Variants in CDH13 observed in about 807,000 individuals in gnomAD.
CDH13 encodes the protein cadherin 13.
CDH13 carries 24 observed loss-of-function variants against 63.8 expected under a neutral mutation model. That is an observed-to-expected ratio of 0.38 (90% CI 0.27 to 0.53). CDH13 has a LOEUF of 0.53. CDH13 is among the 20% of genes least tolerant of loss of function. The pLI is 0.85. For missense variants in CDH13, 1,049 were observed against 903.1 expected (o/e 1.16, Z -2.07); for synonymous variants, 503 against 355.3 (o/e 1.42, Z -4.67).
chr16:83,284,397 C>G (rs1003626617), intron 5 of CDH13, among the ~76,000 whole-genome samples: 2 of 152,166 alleles, frequency 1.3e-5, no homozygotes, highest in Admixed American at 1.3e-4. Context: ...ACCTGTTTCA[C>G]AGGTAAAAGT....
intron 6 of CDH13, among the ~76,000 whole-genome samples, chr16:83,353,762 C>T (rs138447721): frequency 0.013 from 1,979 of 152,312 alleles, 23 homozygotes; most frequent in Admixed American, 0.021. Context: ...ATCACCCATG[C>T]TCATATCATT....
chr16:83,321,088 C>T (rs1465871813), intron 5 of CDH13, among the ~76,000 whole-genome samples: 3 of 152,152 alleles, frequency 2.0e-5, no homozygotes, highest in Non-Finnish European at 2.9e-5. Context: ...GTATGGAATA[C>T]AAATAGAAGG....
intron 2 of CDH13, among the ~76,000 whole-genome samples, chr16:82,865,645 GC>G (rs1567613137): frequency 6.6e-6 from 1 of 152,230 alleles, no homozygotes; most frequent in African/African-American, 2.4e-5. Flanking sequence ...AGGCCTCAGG[GC>G]CTGTGATGGG....
At chr16:83,195,131 T>G (rs1005850767) in intron 4 of CDH13, among the ~76,000 whole-genome samples, 1 of 152,180 alleles carries the variant, frequency 6.6e-6, no homozygotes, top group Admixed American at 6.5e-5. Context: ...CTTTGTAGCT[T>G]TATTTACATC....
At chr16:83,216,422 A>ATG (rs1567513956) in intron 4 of CDH13, among the ~76,000 whole-genome samples, 6 of 97,554 alleles carry the variant, frequency 6.2e-5, no homozygotes, top group South Asian at 7.0e-4. Flanking sequence ...ATATATATAT[A>ATG]TATATATATA....
chr16:82,947,681 C>G (rs1267365726), intron 2 of CDH13, among the ~76,000 whole-genome samples: 1 of 151,990 alleles, frequency 6.6e-6, no homozygotes, highest in African/African-American at 2.4e-5. Context: ...ATATTTTATT[C>G]AAATATTAAG....
chr16:82,722,693 A>G (rs1597405409), intron 1 of CDH13, among the ~76,000 whole-genome samples: 1 of 152,174 alleles, frequency 6.6e-6, no homozygotes, highest in Admixed American at 6.5e-5. Flanking sequence ...GGTACCTACT[A>G]CGAGCACCTG....
chr16:83,423,957 A>T (rs1239624515), intron 6 of CDH13, among the ~76,000 whole-genome samples: 1 of 152,250 alleles, frequency 6.6e-6, no homozygotes, highest in Non-Finnish European at 1.5e-5. Context: ...TACAAGTAAG[A>T]AACGTGAATA....
At chr16:83,323,669 T>C (rs2090291937) in intron 5 of CDH13, among the ~76,000 whole-genome samples, 1 of 152,138 alleles carries the variant, frequency 6.6e-6, no homozygotes, top group African/African-American at 2.4e-5. Context: ...CTAGAACATT[T>C]TATTTTCTAC....
chr16:83,434,177 T>G (rs2072213324), intron 6 of CDH13, among the ~76,000 whole-genome samples: 1 of 152,156 alleles, frequency 6.6e-6, no homozygotes, highest in African/African-American at 2.4e-5. Flanking sequence ...CTCAGGTTAT[T>G]GAGAATTGTC....
At chr16:83,774,063 T>A (rs550873206) in intron 11 of CDH13, among the ~76,000 whole-genome samples, 18 of 152,202 alleles carry the variant, frequency 1.2e-4, no homozygotes, top group African/African-American at 4.3e-4. Flanking sequence ...CCTGCTGTTA[T>A]CTCTGAAAAA....
Position 83,703,584 on chromosome 16 carries a change from C to G in CDH13, c.1538+25123C>G, listed in dbSNP as rs565323618. Among the ~76,000 whole-genome samples, 139 of 152,300 alleles carry G rather than the reference C, an allele frequency of 9.1e-4. 1 individual carries two copies. The highest frequency in any genetic ancestry group is 1.2e-3 in the Non-Finnish European group (85 of 68,030). ...GTGGAGAAGACTTTGAATAAAATGT[C>G]TAAGGATAGGAGCGGGCTTTCAGGC... On this transcript the variant is annotated intron_variant, in intron 10 of 13. Coordinates refer to ENST00000567109, the MANE Select transcript of CDH13 (RefSeq NM_001257.5).
chr16:83,707,638 A>T (rs537429118), intron 10 of CDH13, among the ~76,000 whole-genome samples: 1 of 152,136 alleles, frequency 6.6e-6, no homozygotes, highest in East Asian at 1.9e-4. Context: ...TTCCTATAAG[A>T]CAGAGATCAG....
chr16:83,113,741 G>A (rs1469883228), intron 3 of CDH13, among the ~76,000 whole-genome samples: 1 of 152,164 alleles, frequency 6.6e-6, no homozygotes, highest in East Asian at 1.9e-4. Flanking sequence ...GCACAAGAGG[G>A]GAGGGACGGG....
chr16:82,983,322 G>A (rs998416369), intron 2 of CDH13, among the ~76,000 whole-genome samples: 10 of 151,972 alleles, frequency 6.6e-5, no homozygotes, highest in African/African-American at 1.5e-4. Flanking sequence ...TCCCAGCTTC[G>A]TCCCCATTTT....
chr16:82,869,706 G>T (rs2040277872), intron 2 of CDH13, among the ~76,000 whole-genome samples: 1 of 152,076 alleles, frequency 6.6e-6, no homozygotes, highest in Non-Finnish European at 1.5e-5. Flanking sequence ...TTTTGACAAA[G>T]GTGCCAAGAA....
In CDH13 at chr16:82,644,609, G is replaced by A. The variant is rs190535670; in HGVS notation, c.45+17472G>A. ...TGGAGGCAAAGCTGAGGGGCTGTAC[G>A]TGTCTTCATAGGTCTCCAGTCTGTA... On this transcript the variant is annotated intron_variant, in intron 1 of 13. Coordinates refer to ENST00000567109, the MANE Select transcript of CDH13 (RefSeq NM_001257.5). The surrounding 1 kb of genome is among the most constrained non-coding windows in gnomAD (Gnocchi z 5.7). 3.3e-3 allele frequency among the ~76,000 whole-genome samples: 507 copies of A among 152,294 alleles called. 10 individuals carry two copies. The highest frequency in any genetic ancestry group is 3.6e-3 in the Non-Finnish European group (245 of 68,026).
intron 4 of CDH13, among the ~76,000 whole-genome samples, chr16:83,206,215 C>T (rs1441934600): frequency 6.6e-6 from 1 of 152,210 alleles, no homozygotes; most frequent in Admixed American, 6.5e-5. Flanking sequence ...TTCTCAAAAA[C>T]AAACACAAGT....
At chr16:83,057,285 C>A (rs1366047689) in intron 3 of CDH13, among the ~76,000 whole-genome samples, 1 of 152,058 alleles carries the variant, frequency 6.6e-6, no homozygotes. Flanking sequence ...TCTTTATTAG[C>A]AACCTGAGAA....
Sources: allele counts gnomAD v4.1 joint callset (sites outside exome capture counted in the v4.1 genomes callset), GRCh38; gene constraint gnomAD v4.1.1; non-coding constraint Gnocchi (gnomAD v3.1); transcripts MANE v1.5; gene names NCBI Gene and HGNC (gene_info 2026-07-23, HGNC 2026-07-21).